SDR42E2: variants seen among roughly 807,000 people sequenced by gnomAD.
The protein encoded by SDR42E2 is short chain dehydrogenase/reductase family 42E, member 2.
SDR42E2 carries 20 observed loss-of-function variants against 10.5 expected under a neutral mutation model. The observed-to-expected ratio is 1.90, with a 90% CI of 1.34 to 2.77. SDR42E2 has a LOEUF of 2.77. Among genes scored for constraint, SDR42E2 ranks in the 30% most tolerant of loss-of-function variants. The probability of loss-of-function intolerance (pLI) is 0.00; values close to 1 mark genes in which losing one functional copy is unlikely to be tolerated. For synonymous variants in SDR42E2, 72 were observed against 39.2 expected (o/e 1.84, Z -3.12); for missense variants, 162 against 104.2 (o/e 1.55, Z -2.42).
Position 22,167,165 on chromosome 16 carries a change from ATTTT to A in SDR42E2, c.336+201_336+204del, listed in dbSNP as rs534502295. ...CATGACACCAAATACCAGTTCTGCC[ATTTT>A]TTTTTTTTTTTTTTTTTTTTTTTTT... is the stretch of plus-strand genomic sequence containing the variant. On this transcript the variant is annotated intron_variant, in intron 4 of 12. Coordinates refer to ENST00000602312, the MANE Select transcript of SDR42E2 (RefSeq NM_001394319.2). Among the ~76,000 whole-genome samples the A allele has an allele frequency of 7.7e-4, 29 of 37,720 alleles. 1 individual carries two copies. Among genetic ancestry groups the A allele is most frequent in the African/African-American group, 3.0e-3 (20 of 6,566 alleles). 24.7% of individuals were successfully genotyped at this position (37,720 alleles called of 152,430 possible).
At chr16:22,175,753 G>A (rs2046639644) in intron 7 of SDR42E2, among the ~76,000 whole-genome samples, 1 of 152,044 alleles carries the variant, frequency 6.6e-6, no homozygotes, top group Admixed American at 6.6e-5. Context: ...AGCACTTTGG[G>A]AGGCTGAGGT....
At chr16:22,168,457 G>C (rs1488602268) in intron 4 of SDR42E2, among the ~76,000 whole-genome samples, 1 of 151,404 alleles carries the variant, frequency 6.6e-6, no homozygotes, top group Non-Finnish European at 1.5e-5. Context: ...GTAGAGATGG[G>C]GTTTTGCCAT....
intron 4 of SDR42E2, 80 bp downstream of exon 4, chr16:22,167,079 C>T: frequency 1.6e-6 from 1 of 629,988 alleles, no homozygotes; most frequent in South Asian, 1.8e-5. Flanking sequence ...CCATGCATTC[C>T]CTATCATGCT....
chr16:22,174,553 C>A (rs1236148417), intron 7 of SDR42E2, among the ~76,000 whole-genome samples: 2 of 151,942 alleles, frequency 1.3e-5, no homozygotes, highest in East Asian at 3.9e-4. Flanking sequence ...CACCCCCAGC[C>A]CCCACCCTAC....
intron 12 of SDR42E2, among the ~76,000 whole-genome samples, 185 bp downstream of exon 12, chr16:22,186,979 A>G (rs1598146527): frequency 1.3e-5 from 2 of 151,530 alleles, no homozygotes; most frequent in East Asian, 2.0e-4. Context: ...GATCACCCCA[A>G]CCTCTGGGCT....
chr16:22,166,987 C>T lies in SDR42E2; in HGVS notation c.324C>T (p.Ser108=), dbSNP rs758527578. ...CVFHVASYGM[S]GAEKLQKEQI... is the part of the protein sequence containing the mutation. ...TCCACGTGGCTTCCTATGGAATGTC[C>T]GGGGCTGAGAAGGTGGGCTCCTCAC... The change falls in exon 4 of 13, where the codon TCC becomes TCT. Residue 108 remains serine, a synonymous_variant. Transcript: ENST00000602312. The T allele has an allele frequency of 2.4e-5, 17 of 702,036 alleles. No homozygotes were observed. The highest frequency in any genetic ancestry group is 7.0e-5 in the African/African-American group (4 of 57,130). 43.5% of individuals were successfully genotyped at this position (702,036 alleles called of 1,614,324 possible).
rs1015667094 is a variant in SDR42E2, at chr16:22,170,905, T to C, written c.467T>C (p.Ile156Thr). Residue 156 changes from isoleucine (I) to threonine (T), a missense_variant, in exon 6 of 13, where the codon ATA (isoleucine) becomes ACA (threonine). By Grantham distance (89) the Ile-to-Thr change is moderately conservative. Transcript: ENST00000602312. Reference protein sequence around the residue: ...TVNVAFGGKPIEQGDEDSVPY... With the variant: ...TVNVAFGGKPTEQGDEDSVPY... ...AATGTTGCATTTGGAGGGAAGCCCATAGAGCAGGGCGATGAGGACTCTGTG... is the reference window on the plus strand; with the variant it reads ...AATGTTGCATTTGGAGGGAAGCCCACAGAGCAGGGCGATGAGGACTCTGTG... 5.7e-6 allele frequency: 4 copies of C among 702,888 alleles called. No homozygotes were observed. Among genetic ancestry groups the C allele is most frequent in the African/African-American group, 5.2e-5 (3 of 57,244 alleles). 43.5% of individuals were successfully genotyped at this position (702,888 alleles called of 1,614,324 possible).
intron 3 of SDR42E2, among the ~76,000 whole-genome samples, 173 bp downstream of exon 3, chr16:22,166,607 G>A (rs992737988): frequency 6.6e-6 from 1 of 152,124 alleles, no homozygotes; most frequent in Non-Finnish European, 1.5e-5. Flanking sequence ...ACAGAAAGGG[G>A]ACAATAGTAA....
chr16:22,189,377 C>T (rs1007989622), intron 12 of SDR42E2, among the ~76,000 whole-genome samples: 1 of 152,146 alleles, frequency 6.6e-6, no homozygotes, highest in Non-Finnish European at 1.5e-5. Flanking sequence ...CCCTGTGCGA[C>T]CCCAGGCAAG....
At chr16:22,173,820 G>A (rs1021812725) in intron 7 of SDR42E2, among the ~76,000 whole-genome samples, 11 of 150,456 alleles carry the variant, frequency 7.3e-5, no homozygotes, top group African/African-American at 2.4e-4. Flanking sequence ...TTAGGAGTTC[G>A]AGACCAGCCT....
chr16:22,168,916 A>C (rs2046569390), intron 4 of SDR42E2, among the ~76,000 whole-genome samples: 1 of 152,142 alleles, frequency 6.6e-6, no homozygotes, highest in South Asian at 2.1e-4. Flanking sequence ...ATAAGCATGG[A>C]GCTCATCTCC....
rs887545972 is a variant in SDR42E2 at position 22,172,264 on chromosome 16, C to A, written c.522C>A (p.Asp174Glu). The A allele has an allele frequency of 7.1e-6, 5 of 703,016 alleles. No homozygotes were observed. The highest frequency in any genetic ancestry group is 1.3e-5 in the Non-Finnish European group (5 of 385,006). The allele number at this position is 703,016 out of a possible 1,614,324, so 43.5% of individuals were successfully genotyped here. A position where few individuals can be genotyped will look rare whatever the true frequency, so the allele number is the denominator to read the frequency against. Residue 174 changes from aspartate to glutamate, a missense_variant, in exon 7 of 13, where the codon GAC becomes GAA. Asp to Glu is a conservative substitution (Grantham distance 45). Coordinates refer to ENST00000602312, the MANE Select transcript of SDR42E2 (RefSeq NM_001394319.2). ...VPYFPLDEHVDHYSRTKAIAD... is the reference protein window; with the variant it reads ...VPYFPLDEHVEHYSRTKAIAD... ...TTCCTGGCCTCTGGCAGCACGTAGA[C>A]CACTACTCCCGAACCAAAGCCATCG...
At chr16:22,178,465 C>A (rs1017181720) in intron 8 of SDR42E2, among the ~76,000 whole-genome samples, 1 of 152,176 alleles carries the variant, frequency 6.6e-6, no homozygotes, top group Non-Finnish European at 1.5e-5. Flanking sequence ...GAGCTGTGAC[C>A]CCAAAAAGGC....
chr16:22,171,227 G>GT (rs200538204), intron 6 of SDR42E2, among the ~76,000 whole-genome samples: 3,129 of 151,202 alleles, frequency 0.021, 102 homozygotes, highest in African/African-American at 0.069. Flanking sequence ...CTTTGAGCCT[G>GT]TTTTTTTTTC....
At chr16:22,182,157 TG>T in intron 9 of SDR42E2, 54 bp from the exon 10 acceptor site, 1 of 407,644 alleles carries the variant, frequency 2.5e-6, no homozygotes, top group Non-Finnish European at 4.3e-6. Flanking sequence ...TCTGGAAGGG[TG>T]GGGCAGGCTG....
chr16:22,190,787 C>G lies in SDR42E2; in HGVS notation c.*394C>G, dbSNP rs972402033. 4.3e-5 allele frequency: 8 copies of G among 187,552 alleles called. No homozygotes were observed. In the East Asian group the frequency reaches 9.6e-4, roughly 22 times the overall value. The allele number at this position is 187,552 out of a possible 1,614,324, so 11.6% of individuals were successfully genotyped here. A position where few individuals can be genotyped will look rare whatever the true frequency, so the allele number is the denominator to read the frequency against. On this transcript the variant is annotated 3_prime_UTR_variant, in exon 13 of 13. Transcript: ENST00000602312. ...TGACCCGCCCTTCAAATTGGGCACG[C>G]CTTCTTCCCCGCTCACTGATTTCCT...
intron 4 of SDR42E2, among the ~76,000 whole-genome samples, chr16:22,167,953 T>G (rs2046557858): frequency 6.6e-6 from 1 of 152,232 alleles, no homozygotes; most frequent in Non-Finnish European, 1.5e-5. Flanking sequence ...CACCGGAAAT[T>G]TAACAGTGGC....
chr16:22,181,462 C>T lies in SDR42E2; in HGVS notation c.673-57C>T, dbSNP rs563201450. ...ACCTGGGGAGTCATCAGCATCTAGA[C>T]GGAATGTAAAGCCACACCGGACACA... On this transcript the variant is annotated intron_variant, in intron 8 of 12. Coordinates refer to ENST00000602312, the MANE Select transcript of SDR42E2 (RefSeq NM_001394319.2). 405 of 701,998 alleles carry T rather than the reference C, an allele frequency of 5.8e-4. 8 individuals carry two copies. Among genetic ancestry groups the T allele is most frequent in the South Asian group, 5.4e-3 (361 of 67,362 alleles). 43.5% of individuals were successfully genotyped at this position (701,998 alleles called of 1,614,324 possible).
chr16:22,186,787 G>C lies in SDR42E2; in HGVS notation c.1007G>C (p.Arg336Pro). 1 of 398,912 alleles carries C rather than the reference G, an allele frequency of 2.5e-6. No individual in the cohort carries two copies. The highest frequency in any genetic ancestry group is 4.4e-6 in the Non-Finnish European group (1 of 225,648). 24.7% of individuals were successfully genotyped at this position (398,912 alleles called of 1,614,324 possible). A position where few individuals can be genotyped will look rare whatever the true frequency, so the allele number is the denominator to read the frequency against. The change falls in exon 12 of 13, where the codon CGT becomes CCT. Residue 336 changes from arginine to proline, a missense_variant. Coordinates refer to ENST00000602312, the MANE Select transcript of SDR42E2 (RefSeq NM_001394319.2). ...PICSLPPLLT[R>P]SEVRSVAVTH... ...TGCAGCCTCCCACCGCTGCTCACTC[G>C]TAGTGAGGTAAGTGGGCTGCTGTTA...
Sources: allele counts gnomAD v4.1 joint callset (sites outside exome capture counted in the v4.1 genomes callset), GRCh38; gene constraint gnomAD v4.1.1; transcripts MANE v1.5; gene names NCBI Gene and HGNC (gene_info 2026-07-23, HGNC 2026-07-21).